The following PTPRD variants were observed in gnomAD, a reference collection of about 807,000 sequenced individuals.
The protein encoded by PTPRD is protein tyrosine phosphatase receptor type D.
Under a neutral mutation model 214.5 loss-of-function variants are expected in PTPRD, and 34 were observed. The observed-to-expected ratio is 0.16, with a 90% CI of 0.12 to 0.21. PTPRD has a LOEUF of 0.21. Ranked by LOEUF, PTPRD falls within the 10% of genes least tolerant of loss-of-function variation. The pLI, the probability that PTPRD is intolerant of heterozygous loss-of-function variation, is 1.00. For missense variants in PTPRD, 2,545 were observed against 2,398.7 expected (o/e 1.06, Z -1.27); for synonymous variants, 1,128 against 845.7 (o/e 1.33, Z -5.79).
chr9:9,960,892 A>C (rs2094315936), intron 4 of PTPRD, among the ~76,000 whole-genome samples: 1 of 152,168 alleles, frequency 6.6e-6, no homozygotes. Flanking sequence ...AATGGGAGAA[A>C]ATTTTTGCAA....
rs558177911 is a variant in PTPRD, at chr9:9,722,048, CT to C, written c.-287+12484del. ...TAATATATCATATTTATCCCAGTTT[CT>C]TTTTTTTCTCCCTTTTTAAGGAATC... is the stretch of plus-strand genomic sequence containing the variant. On this transcript the variant is annotated intron_variant, in intron 7 of 45. Coordinates refer to ENST00000381196, the MANE Select transcript of PTPRD (RefSeq NM_002839.4). Among the ~76,000 whole-genome samples, 319 of 151,850 alleles carry C rather than the reference CT, an allele frequency of 2.1e-3. 2 individuals carry two copies. Among genetic ancestry groups the C allele is most frequent in the African/African-American group, 7.1e-3 (293 of 41,454 alleles).
chr9:9,954,649 G>A (rs1161895519), intron 4 of PTPRD, among the ~76,000 whole-genome samples: 2 of 151,734 alleles, frequency 1.3e-5, no homozygotes, highest in African/African-American at 2.4e-5. Context: ...ACTATAATAG[G>A]TACATAACAA....
At chr9:8,866,778 G>A (rs1310765637) in intron 11 of PTPRD, among the ~76,000 whole-genome samples, 1 of 43,500 alleles carries the variant, frequency 2.3e-5, no homozygotes, top group Non-Finnish European at 4.6e-5. Flanking sequence ...ATCTCATCAA[G>A]TCAGTTTTTT....
At position 9,502,286 on chromosome 9, in the gene PTPRD, A is replaced by G. The variant is rs118076441; in HGVS notation, c.-237+72446T>C. ...TATCTCCCCCTTTCTCCCTCTGCTG[A>G]GCCCTTGGCAACCACCATTATACGC... is the stretch of plus-strand genomic sequence containing the variant. On this transcript the variant is annotated intron_variant, in intron 8 of 45. Coordinates refer to ENST00000381196, the MANE Select transcript of PTPRD (RefSeq NM_002839.4). Among the ~76,000 whole-genome samples the G allele has an allele frequency of 7.8e-3, 1,179 of 151,852 alleles. 5 individuals carry two copies. The highest frequency in any genetic ancestry group is 0.012 in the Non-Finnish European group (790 of 67,836).
chr9:8,892,416 T>C (rs1000336777), intron 11 of PTPRD, among the ~76,000 whole-genome samples: 3 of 152,010 alleles, frequency 2.0e-5, no homozygotes, highest in Non-Finnish European at 4.4e-5. Context: ...GCCACAAACA[T>C]TTTCCAAGAA....
chr9:8,682,257 T>C (rs954975731), intron 12 of PTPRD, among the ~76,000 whole-genome samples: 1 of 152,226 alleles, frequency 6.6e-6, no homozygotes, highest in African/African-American at 2.4e-5. Context: ...ATTTATTTAT[T>C]AAACCTCTTC....
intron 21 of PTPRD, among the ~76,000 whole-genome samples, chr9:8,516,461 A>G (rs2138314147): frequency 6.6e-6 from 1 of 152,334 alleles, no homozygotes; most frequent in Middle Eastern, 3.4e-3. Context: ...TATTAATATA[A>G]ATGTGCTCTG....
chr9:8,799,216 C>G (rs902402048), intron 11 of PTPRD, among the ~76,000 whole-genome samples: 2 of 152,100 alleles, frequency 1.3e-5, no homozygotes, highest in Admixed American at 6.6e-5. Context: ...TAATTATCAC[C>G]AGTAGTCTGG....
intron 3 of PTPRD, among the ~76,000 whole-genome samples, chr9:10,046,721 G>T (rs1021317455): frequency 6.6e-6 from 1 of 151,860 alleles, no homozygotes; most frequent in Non-Finnish European, 1.5e-5. Context: ...CACTCAGAGA[G>T]CAATTAATAT....
intron 5 of PTPRD, among the ~76,000 whole-genome samples, chr9:9,906,131 G>C (rs2077510501): frequency 6.6e-6 from 1 of 151,944 alleles, no homozygotes; most frequent in African/African-American, 2.4e-5. Flanking sequence ...AGTTATTCAA[G>C]TAATCTAGTC....
rs140469767 is a variant in PTPRD, at chr9:8,664,719, C to G, written c.65-27875G>C. ...ACATTGTATATATCCCCACACTACACTATTCCTGCATACAGCCAGAAGCTG... is the reference window on the plus strand; with the variant it reads ...ACATTGTATATATCCCCACACTACAGTATTCCTGCATACAGCCAGAAGCTG... On this transcript the variant is annotated intron_variant, in intron 12 of 45. Transcript: ENST00000381196. 2.7e-3 allele frequency among the ~76,000 whole-genome samples: 412 copies of G among 152,338 alleles called. 1 individual carries two copies. Among genetic ancestry groups the G allele is most frequent in the African/African-American group, 9.5e-3 (393 of 41,578 alleles).
chr9:8,437,888 A>G (rs10977106), intron 34 of PTPRD, among the ~76,000 whole-genome samples: 14,440 of 152,204 alleles, frequency 0.095, 927 homozygotes, highest in East Asian at 0.26. Flanking sequence ...TGTCTTTCTG[A>G]TGTTTTCTCA....
At chr9:9,714,254 A>G (rs997961286) in intron 7 of PTPRD, among the ~76,000 whole-genome samples, 3 of 152,120 alleles carry the variant, frequency 2.0e-5, no homozygotes, top group African/African-American at 2.4e-5. Context: ...ACTGTTTTTC[A>G]GAGAAGGGTC....
intron 11 of PTPRD, among the ~76,000 whole-genome samples, chr9:8,965,204 C>T (rs371481216): frequency 1.3e-4 from 20 of 151,912 alleles, no homozygotes; most frequent in Non-Finnish European, 1.9e-4. Context: ...ATGATGAAAC[C>T]CCTTCTCTAC....
intron 11 of PTPRD, among the ~76,000 whole-genome samples, chr9:8,826,066 G>C (rs2097169047): frequency 6.6e-6 from 1 of 152,058 alleles, no homozygotes; most frequent in Non-Finnish European, 1.5e-5. Flanking sequence ...TTTTAAGATG[G>C]AGTTGCTCTG....
At chr9:9,534,040 C>T (rs947960823) in intron 8 of PTPRD, among the ~76,000 whole-genome samples, 2 of 151,928 alleles carry the variant, frequency 1.3e-5, no homozygotes, top group Non-Finnish European at 1.5e-5. Flanking sequence ...CAAACATACT[C>T]ACACACACTA....
chr9:9,822,488 A>G (rs2051131824), intron 5 of PTPRD, among the ~76,000 whole-genome samples: 2 of 148,160 alleles, frequency 1.3e-5, no homozygotes, highest in African/African-American at 4.9e-5. Flanking sequence ...TAATATATAC[A>G]GAACATATAA....
intron 3 of PTPRD, among the ~76,000 whole-genome samples, chr9:10,065,373 A>T (rs898560382): frequency 6.6e-6 from 1 of 151,862 alleles, no homozygotes; most frequent in Non-Finnish European, 1.5e-5. Context: ...TGACAAAAAC[A>T]AAACACCATG....
intron 12 of PTPRD, among the ~76,000 whole-genome samples, chr9:8,698,476 G>T (rs915237969): frequency 6.6e-6 from 1 of 152,078 alleles, no homozygotes; most frequent in Non-Finnish European, 1.5e-5. Flanking sequence ...ATGTAAAGGT[G>T]GTGTACATTT....
Sources: allele counts gnomAD v4.1 joint callset (sites outside exome capture counted in the v4.1 genomes callset), GRCh38; gene constraint gnomAD v4.1.1; transcripts MANE v1.5; gene names NCBI Gene and HGNC (gene_info 2026-07-23, HGNC 2026-07-21).